The following HMCN1 variants were observed in gnomAD, a reference collection of about 807,000 sequenced individuals.
The protein encoded by HMCN1 is hemicentin-1.
A neutral mutation model predicts 625.9 loss-of-function variants in HMCN1; 321 were observed. The ratio of observed to expected loss-of-function variants is 0.51; its 90% CI spans 0.47 to 0.56. The LOEUF (loss-of-function observed/expected upper bound fraction) is 0.56, where lower values mean the gene tolerates loss of function less well. Ranked by LOEUF, HMCN1 falls within the 20% of genes least tolerant of loss-of-function variation. The pLI is 0.00. For missense variants in HMCN1, 6,588 were observed against 6,887.3 expected, an observed-to-expected ratio of 0.96 and a Z score of 1.54; for synonymous variants, 2,425 against 2,417.6, an observed-to-expected ratio of 1.00 and a Z score of -0.09.
intron 1 of HMCN1, among the ~76,000 whole-genome samples, chr1:185,796,886 G>T (rs1184630400): frequency 2.6e-5 from 4 of 152,160 alleles, no homozygotes; most frequent in African/African-American, 4.8e-5. Flanking sequence ...GGATCAAACG[G>T]TAGATCTATT....
chr1:186,016,014 G>A lies in HMCN1; in HGVS notation c.4966G>A (p.Ala1656Thr). 6.2e-7 allele frequency: 1 copy of A among 1,613,372 alleles called. No individual in the cohort carries two copies. The highest frequency in any genetic ancestry group is 2.2e-5 in the East Asian group (1 of 44,826). The part of the protein sequence containing the change: ...ATPLNKQVVI[A>T]HSLTLECKAA... ...GCCTTTGAATAAGCAAGTAGTTATT[G>A]CTCATTCTCTGACACTGGAGTGCAA... The change falls in exon 32 of 107, where the codon GCT (alanine) becomes ACT (threonine). Residue 1656 changes from alanine to threonine, a missense_variant. By Grantham distance (58) the Ala-to-Thr change is moderately conservative. Transcript: ENST00000271588.
At chr1:185,758,098 C>T (rs958248496) in intron 1 of HMCN1, among the ~76,000 whole-genome samples, 16 of 152,192 alleles carry the variant, frequency 1.1e-4, no homozygotes, top group Non-Finnish European at 1.9e-4. Context: ...CTTCTCAACA[C>T]GTCTTGGCAA....
chr1:185,908,474 A>T (rs1666223519), intron 4 of HMCN1, among the ~76,000 whole-genome samples: 1 of 152,026 alleles, frequency 6.6e-6, no homozygotes, highest in Non-Finnish European at 1.5e-5. Flanking sequence ...AGGTGATCAA[A>T]GGTTATCATG....
rs1307418381 is a variant in HMCN1 at position 185,923,581 on chromosome 1, G to A, written c.1213G>A (p.Val405Ile). The part of the protein sequence containing the change: ...VPPNEAFFLK[V>I]TGYDKDDYLF... ...ACCAAATGAAGCTTTCTTTCTCAAAGTAACAGGCTATGATAAAGATGATTA... is the reference window on the plus strand; with the variant it reads ...ACCAAATGAAGCTTTCTTTCTCAAAATAACAGGCTATGATAAAGATGATTA... Residue 405 changes from valine (V) to isoleucine (I), a missense_variant, in exon 8 of 107, where the codon GTA (valine) becomes ATA (isoleucine). Transcript: ENST00000271588. 1.9e-6 allele frequency: 3 copies of A among 1,610,040 alleles called. No individual in the cohort carries two copies. The South Asian group carries it at 3.3e-5, about 18-fold the overall frequency.
In HMCN1 at chr1:185,864,522, A is replaced by C; in HGVS notation, c.392A>C (p.Glu131Ala). 6.2e-7 allele frequency: 1 copy of C among 1,614,064 alleles called. No homozygotes were observed. The highest frequency in any genetic ancestry group is 1.3e-5 in the African/African-American group (1 of 75,042). ...ATTGGAGCTATAAAAATTGCCTTGG[A>C]AATTTCTCTTCCTGGTTCTTTCATC... ...MSIGAIKIAL[E>A]ISLPGSFIYV... Residue 131 changes from glutamate (E) to alanine (A), a missense_variant, in exon 3 of 107, where the codon GAA (glutamate) becomes GCA (alanine). Transcript: ENST00000271588.
chr1:185,897,280 C>T (rs1326535456), intron 4 of HMCN1, among the ~76,000 whole-genome samples: 1 of 152,156 alleles, frequency 6.6e-6, no homozygotes, highest in South Asian at 2.1e-4. Context: ...TGCCACATTA[C>T]TGATCATTCT....
chr1:186,166,412 C>T (rs901452430), intron 99 of HMCN1, 109 bp downstream of exon 99: 1 of 1,366,108 alleles, frequency 7.3e-7, no homozygotes, highest in Admixed American at 1.9e-5. Context: ...CTGCCCACAC[C>T]TTGGCAACAA....
intron 77 of HMCN1, 47 bp from the exon 78 acceptor site, chr1:186,119,144 A>C: frequency 7.2e-7 from 1 of 1,388,616 alleles, no homozygotes; most frequent in Non-Finnish European, 1.0e-6. Context: ...ATTGAACTAA[A>C]AAAACTGAGA....
chr1:186,190,131 T>C lies in HMCN1; in HGVS notation c.*253T>C. 2 of 533,570 alleles carry C rather than the reference T, an allele frequency of 3.7e-6. No homozygotes were observed. The highest frequency in any genetic ancestry group is 6.8e-6 in the Non-Finnish European group (2 of 295,212). The allele number at this position is 533,570 out of a possible 1,614,324, so 33.1% of individuals were successfully genotyped here. On this transcript the variant is annotated 3_prime_UTR_variant, in exon 107 of 107. Coordinates refer to ENST00000271588, the MANE Select transcript of HMCN1 (RefSeq NM_031935.3). The stretch of plus-strand genomic sequence containing the variant: ...ACTGGAGCAGTTACTTCCCAAAGAT[T>C]ATTCTGAACATCTAACAGGACATAT...
chr1:185,850,865 C>T (rs1473046666), intron 2 of HMCN1, among the ~76,000 whole-genome samples: 1 of 151,896 alleles, frequency 6.6e-6, no homozygotes, highest in South Asian at 2.1e-4. Context: ...CAAATACTTA[C>T]TTTTTCCCTT....
At chr1:186,041,403 G>T (rs539979525) in intron 40 of HMCN1, among the ~76,000 whole-genome samples, 1 of 152,250 alleles carries the variant, frequency 6.6e-6, no homozygotes, top group South Asian at 2.1e-4. Context: ...TGACTGGATA[G>T]CAGCTCTGCC....
chr1:186,156,556 G>A (rs1651031903), intron 97 of HMCN1, among the ~76,000 whole-genome samples: 1 of 152,130 alleles, frequency 6.6e-6, no homozygotes, highest in South Asian at 2.1e-4. Flanking sequence ...TGCTGGCAGG[G>A]GGATAAATTG....
At chr1:186,069,913 T>C in intron 51 of HMCN1, 137 bp downstream of exon 51, 2 of 697,338 alleles carry the variant, frequency 2.9e-6, no homozygotes, top group Admixed American at 2.1e-5. Flanking sequence ...TTATTAAGGA[T>C]GGAAGTTGAA....
chr1:185,755,502 C>G (rs1227243395), intron 1 of HMCN1, among the ~76,000 whole-genome samples: 1 of 152,276 alleles, frequency 6.6e-6, no homozygotes, highest in African/African-American at 2.4e-5. Flanking sequence ...TGCTGCTAGG[C>G]CTCATGGCGT....
chr1:186,047,539 A>G (rs1356810087), intron 41 of HMCN1, among the ~76,000 whole-genome samples: 1 of 152,142 alleles, frequency 6.6e-6, no homozygotes, highest in Non-Finnish European at 1.5e-5. Context: ...AACAAAATCA[A>G]GTAATAGAAT....
At chr1:185,814,890 C>T (rs377067947) in intron 1 of HMCN1, among the ~76,000 whole-genome samples, 4 of 149,556 alleles carry the variant, frequency 2.7e-5, no homozygotes, top group African/African-American at 1.0e-4. Context: ...TGGGGTTTCA[C>T]CATGTTAGCC....
intron 97 of HMCN1, among the ~76,000 whole-genome samples, chr1:186,160,201 T>C (rs1486492296): frequency 1.3e-5 from 2 of 149,242 alleles, no homozygotes; most frequent in Non-Finnish European, 3.0e-5. Flanking sequence ...TTCTAGTTTA[T>C]TTGCATAGAG....
intron 101 of HMCN1, 147 bp from the exon 102 acceptor site, chr1:186,171,859 G>A (rs1652253889): frequency 1.5e-6 from 1 of 663,870 alleles, no homozygotes; most frequent in African/African-American, 1.8e-5. Context: ...TACATACATT[G>A]TTGAATTTAA....
intron 95 of HMCN1, among the ~76,000 whole-genome samples, chr1:186,152,328 C>T (rs1650725846): frequency 6.6e-6 from 1 of 152,180 alleles, no homozygotes. Flanking sequence ...CTTTAATCAA[C>T]ATTTAATCAG....
Sources: allele counts gnomAD v4.1 joint callset (sites outside exome capture counted in the v4.1 genomes callset), GRCh38; gene constraint gnomAD v4.1.1; transcripts MANE v1.5; gene names NCBI Gene and HGNC (gene_info 2026-07-23, HGNC 2026-07-21).